Variants in RBMS3 observed in about 807,000 individuals in gnomAD.
RBMS3 encodes RNA binding motif single stranded interacting protein 3.
In RBMS3, 27 loss-of-function variants were observed where a neutral mutation model predicts 66.8. The observed-to-expected ratio is 0.40, with a 90% CI of 0.30 to 0.56. The LOEUF (loss-of-function observed/expected upper bound fraction) is 0.56, where lower values mean the gene tolerates loss of function less well. RBMS3 is among the 20% of genes least tolerant of loss of function. The pLI is 0.40. For missense variants in RBMS3, 513 were observed against 549.5 expected (o/e 0.93, Z 0.66); for synonymous variants, 188 against 183.0 (o/e 1.03, Z -0.22).
intron 3 of RBMS3, among the ~76,000 whole-genome samples, chr3:29,512,152 T>A (rs2044438031): frequency 6.6e-6 from 1 of 152,068 alleles, no homozygotes. Context: ...AATGGGAAAG[T>A]CTGCACAATG....
At chr3:29,422,477 C>T (rs7634956) in intron 1 of RBMS3, among the ~76,000 whole-genome samples, 112,868 of 151,082 alleles carry the variant, frequency 0.75, 42,367 homozygotes, top group East Asian at 0.93. Context: ...TATATTCTTT[C>T]GAGAAATTCT....
chr3:29,460,744 G>A (rs575402628), intron 2 of RBMS3, among the ~76,000 whole-genome samples: 10 of 152,210 alleles, frequency 6.6e-5, no homozygotes, highest in Non-Finnish European at 7.4e-5. Flanking sequence ...TTGTAATAAT[G>A]TGCTTCGCAG....
At chr3:29,558,757 G>A (rs1223922979) in intron 3 of RBMS3, among the ~76,000 whole-genome samples, 3 of 152,078 alleles carry the variant, frequency 2.0e-5, no homozygotes. Flanking sequence ...TTATATGCTG[G>A]GCTCTACCCT....
intron 4 of RBMS3, among the ~76,000 whole-genome samples, chr3:29,727,047 TC>T (rs2053915097): frequency 6.6e-6 from 1 of 152,042 alleles, no homozygotes; most frequent in Non-Finnish European, 1.5e-5. Flanking sequence ...AACAGAGGCC[TC>T]AGAAATAACA....
chr3:29,381,548 G>C (rs2038765444), intron 1 of RBMS3, among the ~76,000 whole-genome samples: 1 of 152,140 alleles, frequency 6.6e-6, no homozygotes, highest in African/African-American at 2.4e-5. Context: ...ATGTAAAAAT[G>C]GCACAATTAT....
chr3:29,463,149 A>G (rs941295671), intron 2 of RBMS3, among the ~76,000 whole-genome samples: 1 of 152,176 alleles, frequency 6.6e-6, no homozygotes, highest in Non-Finnish European at 1.5e-5. Context: ...TTTAGACAAT[A>G]TGTGTCTCCA....
chr3:29,460,601 G>T (rs192146751), intron 2 of RBMS3, among the ~76,000 whole-genome samples: 1 of 152,180 alleles, frequency 6.6e-6, no homozygotes, highest in Admixed American at 6.5e-5. Flanking sequence ...AACATGAAGA[G>T]CTTACATAAG....
At chr3:29,690,633 T>C (rs887393193) in intron 4 of RBMS3, among the ~76,000 whole-genome samples, 1 of 152,228 alleles carries the variant, frequency 6.6e-6, no homozygotes, top group African/African-American at 2.4e-5. Context: ...GCCAAGAGTT[T>C]TGAAAGTAAT....
At chr3:29,782,708 T>C (rs2056680330) in intron 6 of RBMS3, among the ~76,000 whole-genome samples, 1 of 151,978 alleles carries the variant, frequency 6.6e-6, no homozygotes. Flanking sequence ...AAAAAAGAAT[T>C]CAGAAGGTTG....
chr3:29,783,066 C>T (rs2056694170), intron 6 of RBMS3, among the ~76,000 whole-genome samples: 1 of 152,042 alleles, frequency 6.6e-6, no homozygotes, highest in Admixed American at 6.6e-5. Flanking sequence ...ATGTCCAAAC[C>T]TAAGAATAAT....
At chr3:29,726,255 C>T (rs939740372) in intron 4 of RBMS3, among the ~76,000 whole-genome samples, 3 of 152,066 alleles carry the variant, frequency 2.0e-5, no homozygotes, top group Admixed American at 2.0e-4. Flanking sequence ...CAATATCATA[C>T]CGAATGGGCA....
chr3:29,699,022 G>A (rs1237197876), intron 4 of RBMS3, among the ~76,000 whole-genome samples: 1 of 152,104 alleles, frequency 6.6e-6, no homozygotes, highest in Non-Finnish European at 1.5e-5. Flanking sequence ...ATACTTCACA[G>A]TTTAATAAAC....
At chr3:29,721,477 A>T (rs1040041029) in intron 4 of RBMS3, among the ~76,000 whole-genome samples, 3 of 152,116 alleles carry the variant, frequency 2.0e-5, no homozygotes, top group Non-Finnish European at 4.4e-5. Flanking sequence ...TGAGTAGGAG[A>T]CATTCCTGTG....
At chr3:29,994,950 A>C (rs1340063501) in intron 14 of RBMS3, among the ~76,000 whole-genome samples, 1 of 152,240 alleles carries the variant, frequency 6.6e-6, no homozygotes, top group East Asian at 1.9e-4. Flanking sequence ...TGAGAGAAGA[A>C]GGCTTCAGAA....
chr3:29,653,688 T>G (rs1311738317), intron 4 of RBMS3, among the ~76,000 whole-genome samples: 1 of 152,070 alleles, frequency 6.6e-6, no homozygotes, highest in Non-Finnish European at 1.5e-5. Context: ...AAGTTGAAGT[T>G]TTTTGTTTTT....
rs1034938056 is a variant in RBMS3, at chr3:29,586,638, T to C, written c.308-476T>C. Among the ~76,000 whole-genome samples the C allele has an allele frequency of 2.6e-5, 4 of 152,280 alleles. No individual in the cohort carries two copies. The South Asian group carries it at 8.3e-4, about 32-fold the overall frequency. On this transcript the variant is annotated intron_variant, in intron 3 of 14. Coordinates refer to ENST00000383767, the MANE Select transcript of RBMS3 (RefSeq NM_001003793.3). ...TATTCATGAAGTCAACATGTATTTATTGAATGCCTACTGTGTGCCAAGCAC... is the reference window on the plus strand; with the variant it reads ...TATTCATGAAGTCAACATGTATTTACTGAATGCCTACTGTGTGCCAAGCAC...
chr3:29,397,181 A>G (rs936930360), intron 1 of RBMS3, among the ~76,000 whole-genome samples: 2 of 152,146 alleles, frequency 1.3e-5, no homozygotes, highest in African/African-American at 4.8e-5. Flanking sequence ...ATGTTTATAT[A>G]CACAATTTCC....
intron 1 of RBMS3, among the ~76,000 whole-genome samples, chr3:29,287,864 A>T (rs2125417306): frequency 6.6e-6 from 1 of 152,174 alleles, no homozygotes; most frequent in East Asian, 1.9e-4. Flanking sequence ...TTAAAAAGAA[A>T]AAGAGAGTGG....
chr3:29,604,474 C>T (rs1039214460), intron 4 of RBMS3, among the ~76,000 whole-genome samples: 2 of 152,002 alleles, frequency 1.3e-5, no homozygotes, highest in African/African-American at 4.8e-5. Context: ...AGGCCTGGTG[C>T]CTCATCATCC....
Sources: gnomAD v4.1 joint callset for allele counts (sites outside exome capture counted in the v4.1 genomes callset) on GRCh38, gnomAD v4.1.1 for gene constraint, MANE v1.5 for transcripts, NCBI Gene and HGNC (gene_info 2026-07-23, HGNC 2026-07-21) for gene names.